PIK3CD: variants seen among roughly 807,000 people sequenced by gnomAD.
The protein encoded by PIK3CD is phosphatidylinositol-4,5-bisphosphate 3-kinase catalytic subunit delta.
Under a neutral mutation model 122.9 loss-of-function variants are expected in PIK3CD, and 20 were observed. That is an observed-to-expected ratio of 0.16 (90% CI 0.11 to 0.24). PIK3CD has a LOEUF of 0.24. Among genes scored for constraint, PIK3CD ranks in the 10% least tolerant of loss-of-function variants. The pLI is 1.00. For synonymous variants in PIK3CD, 596 were observed against 593.4 expected (o/e 1.00, Z -0.06); for missense variants, 787 against 1,406.3 (o/e 0.56, Z 7.04).
At position 9,718,692 on chromosome 1, in the gene PIK3CD, A is replaced by G; in HGVS notation, c.1021-2A>G. The G allele has an allele frequency of 6.2e-7, 1 of 1,602,510 alleles. No homozygotes were observed. The highest frequency in any genetic ancestry group is 8.5e-7 in the Non-Finnish European group (1 of 1,179,482). On this transcript the variant is annotated splice_acceptor_variant, in intron 8 of 23. Transcript: ENST00000377346. LOFTEE classifies it high-confidence loss of function. The surrounding 1 kb of genome is among the most constrained non-coding windows in gnomAD (Gnocchi z 7.2). ...CACCCATCATCCCGGCACCTTCTAC[A>G]GCTGGTGGTGCAGGCCGGGCTTTTC...
chr1:9,721,878 G>C lies in PIK3CD; in HGVS notation c.2055+18G>C. On this transcript the variant is annotated intron_variant, in intron 16 of 23. Coordinates refer to ENST00000377346, the MANE Select transcript of PIK3CD (RefSeq NM_005026.5). ...TGAAGCAGGTGAGGCCCAAGGCCCT[G>C]GGGGGCGGGCAGGGGGCGGCCCTGA... 6.2e-7 allele frequency: 1 copy of C among 1,612,340 alleles called. No individual in the cohort carries two copies. Among genetic ancestry groups the C allele is most frequent in the Non-Finnish European group, 8.5e-7 (1 of 1,179,404 alleles).
chr1:9,672,560 C>T (rs1376943963), intron 1 of PIK3CD: 1 of 152,232 alleles, frequency 6.6e-6, no homozygotes, highest in Non-Finnish European at 1.5e-5. Context: ...TCCTGAGTAG[C>T]TCCCAAGTGC....
At position 9,724,474 on chromosome 1, in the gene PIK3CD, C is replaced by T. The variant is rs1375331928; in HGVS notation, c.2864+53C>T. On this transcript the variant is annotated intron_variant, in intron 22 of 23. Coordinates refer to ENST00000377346, the MANE Select transcript of PIK3CD (RefSeq NM_005026.5). This position sits in a 1 kb window ranked among gnomAD's most constrained non-coding sequence, Gnocchi z 7.3. ...CCCCTCGGTGTGGGGCCCCAGGGAACAGGGCAGAGGTTCCCAGGCAGGGTG... is the reference window on the plus strand; with the variant it reads ...CCCCTCGGTGTGGGGCCCCAGGGAATAGGGCAGAGGTTCCCAGGCAGGGTG... 3 of 1,606,220 alleles carry T rather than the reference C, an allele frequency of 1.9e-6. No homozygotes were observed. The East Asian group carries it at 6.7e-5, about 36-fold the overall frequency.
chr1:9,695,939 C>G (rs1646399831), intron 2 of PIK3CD, among the ~76,000 whole-genome samples: 2 of 149,640 alleles, frequency 1.3e-5, no homozygotes, highest in South Asian at 4.2e-4. Flanking sequence ...GAAATTAATT[C>G]TGTAATTGTC....
intron 1 of PIK3CD, among the ~76,000 whole-genome samples, chr1:9,669,998 AC>A: frequency 6.6e-6 from 1 of 151,984 alleles, no homozygotes; most frequent in African/African-American, 2.4e-5. Flanking sequence ...ACATGGTGAA[AC>A]CCTGTCTCTA....
intron 1 of PIK3CD, among the ~76,000 whole-genome samples, chr1:9,676,842 C>T (rs1157428445): frequency 6.6e-6 from 1 of 152,162 alleles, no homozygotes; most frequent in Admixed American, 6.5e-5. Flanking sequence ...GAAGATGAGC[C>T]TGTTGAAAGA....
At chr1:9,665,039 C>CA (rs1645116283) in intron 1 of PIK3CD, among the ~76,000 whole-genome samples, 1 of 151,608 alleles carries the variant, frequency 6.6e-6, no homozygotes, top group South Asian at 2.1e-4. Context: ...CCCTGTCCTA[C>CA]AAAAAATAAA....
At chr1:9,639,814 C>CT in the PIK3CD span, among the ~76,000 whole-genome samples, 4 of 152,218 alleles carry the variant, frequency 2.6e-5, no homozygotes, top group Non-Finnish European at 5.9e-5. Context: ...ACTGCAACCT[C>CT]TGCCTCCCGG....
chr1:9,628,876 G>A, the PIK3CD span, among the ~76,000 whole-genome samples: 1 of 152,170 alleles, frequency 6.6e-6, no homozygotes, highest in East Asian at 1.9e-4. Flanking sequence ...GTGATCCCGA[G>A]GACTCAGATC....
chr1:9,716,436 A>C lies in PIK3CD; in HGVS notation c.601-4A>C. 1 of 1,610,954 alleles carries C rather than the reference A, an allele frequency of 6.2e-7. No individual in the cohort carries two copies. The highest frequency in any genetic ancestry group is 8.5e-7 in the Non-Finnish European group (1 of 1,179,858). The stretch of plus-strand genomic sequence containing the variant: ...CAGAGGACTGACCTCCCTCCTCCCC[A>C]CAGGAGAGCTTCACCTTCCAGGTGT... On this transcript the variant is annotated splice_polypyrimidine_tract_variant and splice_region_variant and intron_variant, in intron 5 of 23. Coordinates refer to ENST00000377346, the MANE Select transcript of PIK3CD (RefSeq NM_005026.5).
At chr1:9,691,364 C>G in intron 1 of PIK3CD, 103 bp from the exon 2 acceptor site, 1 of 392,468 alleles carries the variant, frequency 2.5e-6, no homozygotes, top group Non-Finnish European at 4.5e-6. Flanking sequence ...CTAGATGAAG[C>G]AGTTGATTTT....
chr1:9,676,548 C>T (rs1359212303), intron 1 of PIK3CD, among the ~76,000 whole-genome samples: 1 of 152,244 alleles, frequency 6.6e-6, no homozygotes, highest in East Asian at 1.9e-4. Flanking sequence ...TCTCAATGGC[C>T]TCCTTGCCCA....
At position 9,722,201 on chromosome 1, in the gene PIK3CD, G is replaced by T. The variant is rs775954521; in HGVS notation, c.2235-43G>T. On this transcript the variant is annotated intron_variant, in intron 17 of 23. Coordinates refer to ENST00000377346, the MANE Select transcript of PIK3CD (RefSeq NM_005026.5). The surrounding 1 kb of genome is among the most constrained non-coding windows in gnomAD (Gnocchi z 7.6). The stretch of plus-strand genomic sequence containing the variant: ...GGGTTCCTCCCACCCCTGGGAGGCC[G>T]GTAGAGGAGCCCCTGCTGACTGCCC... 2 of 1,610,374 alleles carry T rather than the reference G, an allele frequency of 1.2e-6. No individual in the cohort carries two copies. Among genetic ancestry groups the T allele is most frequent in the Admixed American group, 1.7e-5 (1 of 59,678 alleles).
At position 9,717,584 on chromosome 1, in the gene PIK3CD, G is replaced by A; in HGVS notation, c.978G>A (p.Glu326=). Residue 326 remains glutamate (E), a synonymous_variant, in exon 8 of 24, where the codon GAG becomes GAA. Transcript: ENST00000377346. The surrounding 1 kb of genome is among the most constrained non-coding windows in gnomAD (Gnocchi z 5.4). ...LWSLEQPFRI[E]LIQGSKVNAD... ...CCCTGGAGCAGCCGTTCCGCATCGA[G>A]CTCATCCAGGGCAGCAAAGTGAACG... 6.2e-7 allele frequency: 1 copy of A among 1,614,138 alleles called. No homozygotes were observed. The highest frequency in any genetic ancestry group is 8.5e-7 in the Non-Finnish European group (1 of 1,180,032).
At chr1:9,632,290 G>T in the PIK3CD span, among the ~76,000 whole-genome samples, 3 of 152,144 alleles carry the variant, frequency 2.0e-5, no homozygotes, top group African/African-American at 7.2e-5. Context: ...GGGATTGCAG[G>T]CGTGAGCCAC....
chr1:9,710,656 C>G lies in PIK3CD; in HGVS notation c.141+60C>G, dbSNP rs72633865. On this transcript the variant is annotated intron_variant, in intron 3 of 23. Transcript: ENST00000377346. The surrounding 1 kb of genome is among the most constrained non-coding windows in gnomAD (Gnocchi z 4.7). ...TCAGAGAGAGAGAGAGAGAGAGAGA[C>G]ACAGATAGACAGACAGACAGACAGA... is the stretch of plus-strand genomic sequence containing the variant. 107,889 of 1,328,818 alleles carry G rather than the reference C, an allele frequency of 0.081. 3,617 individuals carry two copies. The highest frequency in any genetic ancestry group is 0.21 in the South Asian group (17,140 of 81,994). The allele number at this position is 1,328,818 out of a possible 1,614,324, so 82.3% of individuals were successfully genotyped here. A position where few individuals can be genotyped will look rare whatever the true frequency, so the allele number is the denominator to read the frequency against.
At position 9,722,618 on chromosome 1, in the gene PIK3CD, C is replaced by T. The variant is rs1383156537; in HGVS notation, c.2426+12C>T. ...GGGCTGGACCTGAGGTGAGGACCCC[C>T]ACCCCACATCGTCCCTTGGTGTCTG... On this transcript the variant is annotated intron_variant, in intron 19 of 23. Transcript: ENST00000377346. The surrounding 1 kb of genome is among the most constrained non-coding windows in gnomAD (Gnocchi z 7.6). 5.6e-6 allele frequency: 9 copies of T among 1,608,542 alleles called. No individual in the cohort carries two copies. Among genetic ancestry groups the T allele is most frequent in the Non-Finnish European group, 7.7e-6 (9 of 1,175,378 alleles).
chr1:9,649,354 C>T (rs1440396366), upstream of PIK3CD, among the ~76,000 whole-genome samples: 4 of 152,078 alleles, frequency 2.6e-5, no homozygotes, highest in Non-Finnish European at 5.9e-5. Context: ...CCTCAGCCTC[C>T]CGAGAATCTG....
chr1:9,643,256 A>T, the PIK3CD span, among the ~76,000 whole-genome samples: 1 of 151,866 alleles, frequency 6.6e-6, no homozygotes, highest in Non-Finnish European at 1.5e-5. Context: ...TAAATATACA[A>T]AAAATTAGCT....
Sources: gnomAD v4.1 joint callset for allele counts (sites outside exome capture counted in the v4.1 genomes callset) on GRCh38, gnomAD v4.1.1 for gene constraint, Gnocchi (gnomAD v3.1) non-coding constraint, MANE v1.5 for transcripts, NCBI Gene and HGNC (gene_info 2026-07-23, HGNC 2026-07-21) for gene names.